The following EIF3E variants were observed in gnomAD, a reference collection of about 807,000 sequenced individuals.
EIF3E encodes the protein eIF-3 p48.
Under a neutral mutation model 59.3 loss-of-function variants are expected in EIF3E, and 25 were observed. The ratio of observed to expected loss-of-function variants is 0.42; its 90% CI spans 0.31 to 0.59. The LOEUF (loss-of-function observed/expected upper bound fraction) is 0.59. Among genes scored for constraint, EIF3E ranks in the 20% least tolerant of loss-of-function variants. The pLI is 0.15. For missense variants in EIF3E, 317 were observed against 534.3 expected (o/e 0.59, Z 4.01); for synonymous variants, 176 against 170.2 (o/e 1.03, Z -0.26).
At chr8:108,228,214 C>A in intron 7 of EIF3E, 53 bp downstream of exon 7, 3 of 1,475,856 alleles carry the variant, frequency 2.0e-6, no homozygotes, top group Non-Finnish European at 2.7e-6. Context: ...GTTTAAACAA[C>A]TCCATGTAAT....
intron 7 of EIF3E, among the ~76,000 whole-genome samples, chr8:108,220,977 T>C (rs559675921): frequency 1.3e-5 from 2 of 151,932 alleles, no homozygotes; most frequent in Admixed American, 6.6e-5. Context: ...GAGGCTGCAG[T>C]AAGCCAAGAT....
intron 10 of EIF3E, among the ~76,000 whole-genome samples, chr8:108,213,911 A>C (rs1018174428): frequency 3.9e-5 from 6 of 152,338 alleles, no homozygotes; most frequent in African/African-American, 1.2e-4. Flanking sequence ...GCATTAAAGA[A>C]AAAGAATTTG....
At chr8:108,246,601 C>G (rs1000658952) in intron 1 of EIF3E, among the ~76,000 whole-genome samples, 1 of 152,076 alleles carries the variant, frequency 6.6e-6, no homozygotes, top group Non-Finnish European at 1.5e-5. Flanking sequence ...CACAGGTCCA[C>G]GTATACACAA....
intron 7 of EIF3E, among the ~76,000 whole-genome samples, chr8:108,222,395 T>C (rs967871516): frequency 6.6e-6 from 1 of 152,152 alleles, no homozygotes; most frequent in South Asian, 2.1e-4. Context: ...AAGTGATCCA[T>C]CCTGTATATA....
chr8:108,216,348 T>G, intron 9 of EIF3E, 64 bp downstream of exon 9: 1 of 1,213,498 alleles, frequency 8.2e-7, no homozygotes, highest in Non-Finnish European at 1.2e-6. Context: ...CACTGCAAGA[T>G]TAACGTTACA....
chr8:108,243,341 A>C (rs990678374), intron 1 of EIF3E: 1 of 152,374 alleles, frequency 6.6e-6, no homozygotes, highest in Admixed American at 6.5e-5. Context: ...TGAAGGTTTA[A>C]GGATGTCGCC....
At chr8:108,228,125 T>C (rs1171156142) in intron 7 of EIF3E, 142 bp downstream of exon 7, 2 of 912,608 alleles carry the variant, frequency 2.2e-6, no homozygotes, top group Non-Finnish European at 3.1e-6. Flanking sequence ...TACTTTTCAG[T>C]AACAAGCAAA....
At chr8:108,233,963 G>C (rs601645) in intron 5 of EIF3E, among the ~76,000 whole-genome samples, 1 of 150,952 alleles carries the variant, frequency 6.6e-6, no homozygotes, top group African/African-American at 2.5e-5. Context: ...GATAACTGTA[G>C]AAGGCACTTA....
rs186391235 is a variant in EIF3E at position 108,243,018 on chromosome 8, C to G, written c.91-1105G>C. Among the ~76,000 whole-genome samples, 947 of 152,234 alleles carry G rather than the reference C, an allele frequency of 6.2e-3. 5 individuals are homozygous for G. The highest frequency in any genetic ancestry group is 0.022 in the South Asian group (104 of 4,810). On this transcript the variant is annotated intron_variant, in intron 1 of 12. Transcript: ENST00000220849. ...TCCAAAACAAATGGGTGCATATAGTCAAAGTGCACTTCCAAAAATGTACAC... is the reference window on the plus strand; with the variant it reads ...TCCAAAACAAATGGGTGCATATAGTGAAAGTGCACTTCCAAAAATGTACAC...
At chr8:108,246,049 G>C (rs60787607) in intron 1 of EIF3E, among the ~76,000 whole-genome samples, 1 of 152,054 alleles carries the variant, frequency 6.6e-6, no homozygotes, top group Non-Finnish European at 1.5e-5. Context: ...CTGGGAACAA[G>C]AGATGAACAA....
At chr8:108,242,800 C>T in intron 1 of EIF3E, 1 of 405,818 alleles carries the variant, frequency 2.5e-6, no homozygotes, top group Non-Finnish European at 3.4e-6. Context: ...AAAAGGTTCT[C>T]AACGTCATTA....
chr8:108,204,517 T>C (rs1305674638), intron 10 of EIF3E, among the ~76,000 whole-genome samples: 4 of 151,864 alleles, frequency 2.6e-5, no homozygotes, highest in Non-Finnish European at 4.4e-5. Context: ...AATCCCAGAA[T>C]TCACCACTAT....
chr8:108,246,795 TA>T (rs1192374625), intron 1 of EIF3E, among the ~76,000 whole-genome samples: 1 of 152,206 alleles, frequency 6.6e-6, no homozygotes, highest in Admixed American at 6.5e-5. Flanking sequence ...TTCCACTTAC[TA>T]AAAAGTAAAT....
intron 7 of EIF3E, among the ~76,000 whole-genome samples, chr8:108,217,952 G>A (rs548427990): frequency 6.6e-6 from 1 of 152,268 alleles, no homozygotes; most frequent in African/African-American, 2.4e-5. Flanking sequence ...TGGTTAAAGT[G>A]GTAGCAGTAG....
At chr8:108,246,710 G>A (rs1252467980) in intron 1 of EIF3E, among the ~76,000 whole-genome samples, 1 of 152,014 alleles carries the variant, frequency 6.6e-6, no homozygotes, top group East Asian at 1.9e-4. Context: ...GAAACAGCAA[G>A]ACCAACCCCT....
chr8:108,216,161 G>A (rs966729769), intron 9 of EIF3E, among the ~76,000 whole-genome samples: 1 of 151,978 alleles, frequency 6.6e-6, no homozygotes, highest in African/African-American at 2.4e-5. Flanking sequence ...CCTCACAAAA[G>A]GGATAAACAC....
At chr8:108,219,405 A>G (rs1322070374) in intron 7 of EIF3E, among the ~76,000 whole-genome samples, 2 of 152,202 alleles carry the variant, frequency 1.3e-5, no homozygotes. Context: ...CTTCTATAAA[A>G]AGAGAGGAAA....
At chr8:108,206,186 C>T (rs780479720) in intron 10 of EIF3E, among the ~76,000 whole-genome samples, 4 of 152,112 alleles carry the variant, frequency 2.6e-5, no homozygotes, top group Admixed American at 6.5e-5. Context: ...GCAAAACATC[C>T]TCTGTTGCCA....
At chr8:108,206,595 C>T (rs527272483) in intron 10 of EIF3E, among the ~76,000 whole-genome samples, 9 of 37,796 alleles carry the variant, frequency 2.4e-4, no homozygotes, top group Admixed American at 1.1e-3. Flanking sequence ...CACATGTGCA[C>T]ACACACACAC....
Sources: gnomAD v4.1 joint callset for allele counts (sites outside exome capture counted in the v4.1 genomes callset) on GRCh38, gnomAD v4.1.1 for gene constraint, MANE v1.5 for transcripts, NCBI Gene and HGNC (gene_info 2026-07-23, HGNC 2026-07-21) for gene names.